Variants in MXRA5 observed in about 807,000 individuals in gnomAD.
The protein encoded by MXRA5 is matrix remodeling associated 5, also known as matrix-remodeling-associated protein 5.
In MXRA5, 41 loss-of-function variants were observed where a neutral mutation model predicts 112.5. The ratio of observed to expected loss-of-function variants is 0.36; its 90% CI spans 0.28 to 0.47. The LOEUF (loss-of-function observed/expected upper bound fraction) is 0.47. Ranked by LOEUF, MXRA5 falls within the 20% of genes least tolerant of loss-of-function variation. The pLI is 0.99. For synonymous variants in MXRA5, 862 were observed against 900.8 expected, an observed-to-expected ratio of 0.96 and a Z score of 0.77; for missense variants, 2,150 against 2,251.0, an observed-to-expected ratio of 0.96 and a Z score of 0.91.
At chrX:3,334,908 A>G (rs771830694) in intron 2 of MXRA5, among the ~76,000 whole-genome samples, 2 of 111,505 alleles carry the variant, frequency 1.8e-5, no homozygotes, top group East Asian at 2.9e-4. Context: ...TAAATAAAAT[A>G]AAGTGTCAAG....
At chrX:3,329,203 T>G (rs5939180) in intron 4 of MXRA5, among the ~76,000 whole-genome samples, 34 of 65,074 alleles carry the variant, frequency 5.2e-4, no homozygotes, top group Admixed American at 1.2e-3. Context: ...AGAAGGAAGG[T>G]GAGAAGGAGG....
In MXRA5 at chrX:3,322,401, A is replaced by T. The variant is rs767965098; in HGVS notation, c.3284T>A (p.Leu1095Ter). 3 of 1,209,603 alleles carry T rather than the reference A, an allele frequency of 2.5e-6. No individual in the cohort carries two copies. The highest frequency in any genetic ancestry group is 3.4e-6 in the Non-Finnish European group (3 of 895,149). The change falls in exon 5 of 7, where the codon TTG becomes TAG. Residue 1095 changes from leucine to a stop codon, truncating the protein, a stop_gained. Coordinates refer to ENST00000217939, the MANE Select transcript of MXRA5 (RefSeq NM_015419.4). LOFTEE classifies it high-confidence loss of function. ...CATTATACCCAGTGTGGAGTCAGGC[A>T]AAGTGATGGATTTGCTCTCTTGGCC... ...SEGQESKSITLPDSTLGIMSS... is the reference protein window; with the variant it reads ...SEGQESKSIT
rs1237156467 is a variant in MXRA5 at position 3,329,605 on chromosome X, C to T, written c.709+413G>A. Among the ~76,000 whole-genome samples, 3 of 110,433 alleles carry T rather than the reference C, an allele frequency of 2.7e-5. No individual in the cohort carries two copies. In the East Asian group the frequency reaches 8.6e-4, roughly 32 times the overall value. ...TGTCCGTAAAATAATGACCTTGTAGCCACTCCTCTCACCAGCCTGCTCTTT... is the reference window on the plus strand; with the variant it reads ...TGTCCGTAAAATAATGACCTTGTAGTCACTCCTCTCACCAGCCTGCTCTTT... On this transcript the variant is annotated intron_variant, in intron 4 of 6. Coordinates refer to ENST00000217939, the MANE Select transcript of MXRA5 (RefSeq NM_015419.4).
intron 4 of MXRA5, among the ~76,000 whole-genome samples, chrX:3,328,106 A>G (rs950315401): frequency 1.3e-4 from 15 of 112,462 alleles, no homozygotes; most frequent in African/African-American, 4.5e-4. Context: ...GTTCCCACCA[A>G]TGAAATATGA....
Position 3,309,787 on chromosome X carries a change from C to T in MXRA5, c.8416G>A (p.Gly2806Ser). The T allele has an allele frequency of 8.3e-7, 1 of 1,211,610 alleles. No homozygotes were observed. Among genetic ancestry groups the T allele is most frequent in the Non-Finnish European group, 1.1e-6 (1 of 895,497 alleles). Residue 2806 changes from glycine (G) to serine (S), a missense_variant, in exon 7 of 7, where the codon GGC becomes AGC. By Grantham distance (56) the Gly-to-Ser change is moderately conservative (BLOSUM62 0). Around this residue, in one of 6 missense-constraint regions of MXRA5, gnomAD observed 178 missense variants for 198.2 expected, o/e 0.90. Coordinates refer to ENST00000217939, the MANE Select transcript of MXRA5 (RefSeq NM_015419.4). ...TTTTTTGCCATGCACTTGTAGAAGC[C>T]GGCATCTCTCTGTGTGGCATGCTGG... ...TIQHATQRDAGFYKCMAKNIL... is the reference protein window; with the variant it reads ...TIQHATQRDASFYKCMAKNIL...
chrX:3,346,046 G>C (rs1157000300), intron 1 of MXRA5, among the ~76,000 whole-genome samples: 1 of 112,234 alleles, frequency 8.9e-6, no homozygotes, highest in Non-Finnish European at 1.9e-5. Context: ...AGAGGAGGGA[G>C]AGGAGACTTG....
chrX:3,346,410 G>T, intron 1 of MXRA5, 105 bp downstream of exon 1: 1 of 473,733 alleles, frequency 2.1e-6, no homozygotes, highest in African/African-American at 2.6e-5. Context: ...CTGCCTGCAT[G>T]CAGGCCCTTT....
In MXRA5 at chrX:3,346,153, T is replaced by C. The variant is rs183607328; in HGVS notation, c.-29+362A>G. Among the ~76,000 whole-genome samples, 29 of 111,595 alleles carry C rather than the reference T, an allele frequency of 2.6e-4. No homozygotes were observed. In the East Asian group the frequency reaches 5.2e-3, roughly 20 times the overall value. ...GAGTGGGCTTCACTTAGGAATTCCG[T>C]TGGCAGCTTCCTAGAAACGCGGGAT... On this transcript the variant is annotated intron_variant, in intron 1 of 6. Transcript: ENST00000217939.
At chrX:3,337,931 G>C (rs764432186) in intron 2 of MXRA5, among the ~76,000 whole-genome samples, 1 of 111,768 alleles carries the variant, frequency 8.9e-6, no homozygotes, top group Non-Finnish European at 1.9e-5. Context: ...CAAAGGCTGG[G>C]AGAGACAGGT....
At chrX:3,330,458 T>C (rs1480523356) in intron 3 of MXRA5, 50 bp from the exon 4 acceptor site, 1 of 1,141,433 alleles carries the variant, frequency 8.8e-7, no homozygotes, top group Non-Finnish European at 1.2e-6. Flanking sequence ...CTGTTTATAG[T>C]TTAAAAAGCC....
rs750558539 is a variant in MXRA5, at chrX:3,323,402, A to G, written c.2283T>C (p.Gly761=). 11 of 1,211,511 alleles carry G rather than the reference A, an allele frequency of 9.1e-6. No individual in the cohort carries two copies. The highest frequency in any genetic ancestry group is 1.2e-5 in the Non-Finnish European group (11 of 895,448). Residue 761 remains glycine, a synonymous_variant, in exon 5 of 7, where the codon GGT becomes GGC. Coordinates refer to ENST00000217939, the MANE Select transcript of MXRA5 (RefSeq NM_015419.4). ...TTCGTCTAGATTCAAACACTCTGCG[A>G]CCTTCTGCAACATTGGTCTCTGGTT... ...EKEPETNVAE[G]RRVFESRRRI...
At chrX:3,311,843 C>A (rs1223284170) in intron 6 of MXRA5, among the ~76,000 whole-genome samples, 4 of 112,191 alleles carry the variant, frequency 3.6e-5, no homozygotes, top group African/African-American at 1.3e-4. Context: ...TTAGGCTGGC[C>A]TGACCATGGG....
At chrX:3,342,103 G>T (rs1207068217) in intron 2 of MXRA5, among the ~76,000 whole-genome samples, 2 of 110,720 alleles carry the variant, frequency 1.8e-5, no homozygotes, top group Non-Finnish European at 3.8e-5. Flanking sequence ...TATAGATGAA[G>T]CTGGAAGCCA....
chrX:3,315,679 C>G (rs1921097326), intron 6 of MXRA5, among the ~76,000 whole-genome samples: 1 of 110,954 alleles, frequency 9.0e-6, no homozygotes, highest in East Asian at 2.9e-4. Context: ...TATCTGGGAA[C>G]AGATGGCACT....
Position 3,311,567 on chromosome X carries a change from C to A in MXRA5, c.6636G>T (p.Thr2212=), listed in dbSNP as rs754652593. 8.3e-7 allele frequency: 1 copy of A among 1,211,662 alleles called. No individual in the cohort carries two copies. Among genetic ancestry groups the A allele is most frequent in the African/African-American group, 1.7e-5 (1 of 57,899 alleles). ...ANGTLVVKSV[T]DKDAGDYLCV... is the part of the protein sequence containing the mutation. ...ACAGGTAATCTCCGGCATCTTTGTC[C>A]GTCACTGATTTCACCACCAGGGTCC... The change falls in exon 7 of 7, where the codon ACG becomes ACT. Residue 2212 remains threonine (T), a synonymous_variant. Transcript: ENST00000217939.
At chrX:3,311,814 C>G (rs982850225) in intron 6 of MXRA5, among the ~76,000 whole-genome samples, 190 bp from the exon 7 acceptor site, 1 of 112,316 alleles carries the variant, frequency 8.9e-6, no homozygotes, top group Non-Finnish European at 1.9e-5. Flanking sequence ...CAAATAAGAA[C>G]TCCCTGTTGA....
rs202199625 is a variant in MXRA5, at chrX:3,317,571, G to A, written c.6110C>T (p.Ala2037Val). The A allele has an allele frequency of 3.1e-4, 375 of 1,209,229 alleles. No homozygotes were observed. Among genetic ancestry groups the A allele is most frequent in the Admixed American group, 4.6e-4 (21 of 45,939 alleles). The part of the protein sequence containing the change: ...ASNAAGADSL[A>V]IRLHVAALPP... ...CAGTGCCGCCACGTGCAGGCGGATG[G>A]CCAGGCTGTCCGCCCCGGCTGCATT... Residue 2037 changes from alanine to valine, a missense_variant, in exon 6 of 7, where the codon GCC (alanine) becomes GTC (valine). Coordinates refer to ENST00000217939, the MANE Select transcript of MXRA5 (RefSeq NM_015419.4).
Position 3,324,606 on chromosome X carries a change from G to A in MXRA5, c.1079C>T (p.Thr360Ile), listed in dbSNP as rs1414115652. 1 of 1,211,189 alleles carries A rather than the reference G, an allele frequency of 8.3e-7. No individual in the cohort carries two copies. Among genetic ancestry groups the A allele is most frequent in the Admixed American group, 2.2e-5 (1 of 46,005 alleles). The change falls in exon 5 of 7, where the codon ACA (threonine) becomes ATA (isoleucine). Residue 360 changes from threonine (T) to isoleucine (I), a missense_variant. Thr to Ile is a moderately conservative substitution (Grantham distance 89, BLOSUM62 -1). Coordinates refer to ENST00000217939, the MANE Select transcript of MXRA5 (RefSeq NM_015419.4). ...TDPPDIDINA[T>I]VALDFECPMT... ...TGGACACTCAAAGTCCAAGGCAACT[G>A]TTGCATTTATGTCAATATCTGGAGG...
intron 2 of MXRA5, among the ~76,000 whole-genome samples, chrX:3,341,042 T>C (rs1444994377): frequency 2.4e-4 from 13 of 53,858 alleles, no homozygotes; most frequent in Middle Eastern, 7.2e-3. Context: ...TAATATATAT[T>C]GTGTATAATA....
Sources: allele counts gnomAD v4.1 joint callset (sites outside exome capture counted in the v4.1 genomes callset), GRCh38; gene constraint gnomAD v4.1.1; regional missense constraint gnomAD v4.1.1; transcripts MANE v1.5; gene names NCBI Gene and HGNC (gene_info 2026-07-23, HGNC 2026-07-21).